The following ZMAT4 variants were observed in gnomAD, a reference collection of about 807,000 sequenced individuals.
The protein encoded by ZMAT4 is zinc finger matrin-type protein 4.
In ZMAT4, 17 loss-of-function variants were observed where a neutral mutation model predicts 28.7. That is an observed-to-expected ratio of 0.59 (90% CI 0.41 to 0.89). The LOEUF is 0.89. Among genes scored for constraint, ZMAT4 ranks in the 40% least tolerant of loss-of-function variants. ZMAT4 has a pLI of 0.00. For synonymous variants in ZMAT4, 117 were observed against 109.2 expected, an observed-to-expected ratio of 1.07 and a Z score of -0.44; for missense variants, 240 against 283.8, an observed-to-expected ratio of 0.85 and a Z score of 1.11.
At chr8:40,744,130 T>C (rs1812125486) in intron 3 of ZMAT4, among the ~76,000 whole-genome samples, 2 of 152,204 alleles carry the variant, frequency 1.3e-5, no homozygotes, top group Non-Finnish European at 2.9e-5. Flanking sequence ...AGGGCCTCTT[T>C]ATGACAAGTC....
intron 2 of ZMAT4, among the ~76,000 whole-genome samples, chr8:40,824,800 T>C (rs895250871): frequency 3.9e-5 from 6 of 152,116 alleles, no homozygotes; most frequent in African/African-American, 1.4e-4. Context: ...TTCATGTTCC[T>C]ACTAGTATAT....
chr8:40,892,304 G>T (rs781242485), intron 1 of ZMAT4, among the ~76,000 whole-genome samples: 8 of 151,986 alleles, frequency 5.3e-5, no homozygotes, highest in Non-Finnish European at 8.8e-5. Flanking sequence ...TCCTCTTCTG[G>T]TCTACCCATC....
At chr8:40,838,055 G>A (rs936887424) in intron 1 of ZMAT4, among the ~76,000 whole-genome samples, 9 of 152,286 alleles carry the variant, frequency 5.9e-5, no homozygotes, top group East Asian at 3.9e-4. Flanking sequence ...CATCGAAGTC[G>A]CAGGGTCTTG....
chr8:40,855,306 G>A (rs1332937279), intron 1 of ZMAT4, among the ~76,000 whole-genome samples: 1 of 152,098 alleles, frequency 6.6e-6, no homozygotes, highest in Admixed American at 6.6e-5. Flanking sequence ...GCCCATCAGA[G>A]GTGGTTATGG....
At chr8:40,854,184 G>T (rs11784237) in intron 1 of ZMAT4, among the ~76,000 whole-genome samples, 4,737 of 152,242 alleles carry the variant, frequency 0.031, 121 homozygotes, top group South Asian at 0.084. Flanking sequence ...TTCAACACCA[G>T]ATTTGGAAGG....
chr8:40,610,861 A>G (rs1211802179), intron 5 of ZMAT4, among the ~76,000 whole-genome samples: 4 of 151,724 alleles, frequency 2.6e-5, no homozygotes, highest in Non-Finnish European at 5.9e-5. Context: ...AAAAAAGGCT[A>G]TATGTGAAAC....
At chr8:40,775,939 G>C (rs1283056616) in intron 2 of ZMAT4, among the ~76,000 whole-genome samples, 1 of 152,148 alleles carries the variant, frequency 6.6e-6, no homozygotes, top group Non-Finnish European at 1.5e-5. Context: ...ACAGAGAAAA[G>C]GCCATGTGAG....
In ZMAT4 at chr8:40,531,257, A is replaced by G. The variant is rs1802685333; in HGVS notation, c.*966T>C. 6.6e-6 allele frequency: 1 copy of G among 152,184 alleles called. No individual in the cohort carries two copies. Among genetic ancestry groups the G allele is most frequent in the Non-Finnish European group, 1.5e-5 (1 of 68,024 alleles). The allele number at this position is 152,184 out of a possible 1,614,324, so 9.4% of individuals were successfully genotyped here. Reference sequence around the variant, plus strand: ...CAGAGTGACTGAGTCTTGGCTCAGCAGTAGGACTTCAGTGAGAAACAGAAG... The same window carrying G: ...CAGAGTGACTGAGTCTTGGCTCAGCGGTAGGACTTCAGTGAGAAACAGAAG... On this transcript the variant is annotated 3_prime_UTR_variant, in exon 7 of 7. Coordinates refer to ENST00000297737, the MANE Select transcript of ZMAT4 (RefSeq NM_024645.3).
intron 3 of ZMAT4, among the ~76,000 whole-genome samples, chr8:40,712,069 G>A (rs1258623744): frequency 6.6e-6 from 1 of 152,176 alleles, no homozygotes; most frequent in Non-Finnish European, 1.5e-5. Flanking sequence ...AGATAGAAAA[G>A]GATGAAGCAC....
At chr8:40,654,942 G>C (rs1275676372) in intron 5 of ZMAT4, among the ~76,000 whole-genome samples, 5 of 152,004 alleles carry the variant, frequency 3.3e-5, no homozygotes, top group Admixed American at 6.6e-5. Flanking sequence ...TGGAGGCTCT[G>C]GCCAGTACCG....
intron 3 of ZMAT4, among the ~76,000 whole-genome samples, chr8:40,743,509 C>T (rs1812097574): frequency 6.6e-6 from 1 of 152,222 alleles, no homozygotes; most frequent in Non-Finnish European, 1.5e-5. Flanking sequence ...AGGGGCTGTT[C>T]TCTCATTCGG....
chr8:40,676,245 A>G (rs762809400), intron 4 of ZMAT4, among the ~76,000 whole-genome samples: 2 of 152,176 alleles, frequency 1.3e-5, no homozygotes, highest in South Asian at 4.1e-4. Flanking sequence ...TTTCCCAAGG[A>G]TCCTTTTCAT....
intron 5 of ZMAT4, among the ~76,000 whole-genome samples, chr8:40,611,641 G>A (rs2118657310): frequency 6.6e-6 from 1 of 152,230 alleles, no homozygotes; most frequent in East Asian, 1.9e-4. Context: ...CACCCAGCCA[G>A]AAACTCACAT....
At chr8:40,700,469 G>A (rs1040019837) in intron 3 of ZMAT4, among the ~76,000 whole-genome samples, 2 of 140,670 alleles carry the variant, frequency 1.4e-5, no homozygotes, top group Non-Finnish European at 3.0e-5. Context: ...TCAGGCTGGA[G>A]TGCAGTGGTG....
chr8:40,791,912 C>T (rs372560927), intron 2 of ZMAT4, among the ~76,000 whole-genome samples: 11 of 152,180 alleles, frequency 7.2e-5, no homozygotes, highest in African/African-American at 1.4e-4. Context: ...TCAGGAGGGC[C>T]GCTGCACAGC....
intron 2 of ZMAT4, among the ~76,000 whole-genome samples, chr8:40,776,911 C>T (rs999761991): frequency 4.8e-5 from 7 of 144,404 alleles, no homozygotes; most frequent in African/African-American, 1.8e-4. Flanking sequence ...AGTGTGATAG[C>T]CACCGATTTC....
intron 2 of ZMAT4, among the ~76,000 whole-genome samples, chr8:40,819,866 T>C (rs1365023930): frequency 6.6e-6 from 1 of 152,002 alleles, no homozygotes; most frequent in East Asian, 1.9e-4. Context: ...TAAATATATA[T>C]TTTAATACAT....
At position 40,532,158 on chromosome 8, in the gene ZMAT4, A is replaced by G; in HGVS notation, c.*65T>C. The G allele has an allele frequency of 6.7e-7, 1 of 1,485,674 alleles. No individual in the cohort carries two copies. Among genetic ancestry groups the G allele is most frequent in the Non-Finnish European group, 9.1e-7 (1 of 1,103,784 alleles). The allele number at this position is 1,485,674 out of a possible 1,614,324, so 92.0% of individuals were successfully genotyped here. On this transcript the variant is annotated 3_prime_UTR_variant, in exon 7 of 7. Coordinates refer to ENST00000297737, the MANE Select transcript of ZMAT4 (RefSeq NM_024645.3). ...AGAAAGAAGCCTCCTCTGGTGGTTG[A>G]TAAGCAATTCTCCACGGCAGAGAAA...
chr8:40,713,375 C>T (rs1249717410), intron 3 of ZMAT4, among the ~76,000 whole-genome samples: 2 of 151,748 alleles, frequency 1.3e-5, no homozygotes, highest in Admixed American at 1.3e-4. Context: ...ATATGCATAT[C>T]CTATTTCATA....
Sources: gnomAD v4.1 joint callset for allele counts (sites outside exome capture counted in the v4.1 genomes callset) on GRCh38, gnomAD v4.1.1 for gene constraint, MANE v1.5 for transcripts, NCBI Gene and HGNC (gene_info 2026-07-23, HGNC 2026-07-21) for gene names.